PABPC4L: variants seen among roughly 807,000 people sequenced by gnomAD.
PABPC4L encodes poly(A) binding protein cytoplasmic 4 like.
For synonymous variants in PABPC4L, 169 were observed against 164.1 expected (o/e 1.03, Z -0.23); for missense variants, 452 against 451.4 (o/e 1.00, Z -0.01).
the PABPC4L span, among the ~76,000 whole-genome samples, chr4:133,971,927 C>A: frequency 6.6e-6 from 1 of 152,104 alleles, no homozygotes; most frequent in Non-Finnish European, 1.5e-5. Flanking sequence ...AAAATTTGTG[C>A]CCTTCTCATT....
the PABPC4L span, among the ~76,000 whole-genome samples, chr4:133,951,700 A>T: frequency 6.6e-6 from 1 of 152,158 alleles, no homozygotes; most frequent in East Asian, 1.9e-4. Context: ...TGGGGTTGGG[A>T]TGAGGGCTTG....
At chr4:134,031,743 A>C in the PABPC4L span, among the ~76,000 whole-genome samples, 6 of 151,904 alleles carry the variant, frequency 3.9e-5, no homozygotes, top group Non-Finnish European at 1.5e-5. Flanking sequence ...AATAAGAGAG[A>C]TGATATGGGG....
the PABPC4L span, among the ~76,000 whole-genome samples, chr4:134,156,603 T>C: frequency 6.6e-6 from 1 of 151,886 alleles, no homozygotes; most frequent in African/African-American, 2.4e-5. Flanking sequence ...ATTACTGAAA[T>C]ATAGTGTAAA....
chr4:134,162,228 T>A, the PABPC4L span, among the ~76,000 whole-genome samples: 1 of 152,108 alleles, frequency 6.6e-6, no homozygotes, highest in African/African-American at 2.4e-5. Flanking sequence ...AATAAGTCCT[T>A]CCCTAGCAAT....
the PABPC4L span, among the ~76,000 whole-genome samples, chr4:134,020,140 T>C: frequency 5.5e-3 from 837 of 152,190 alleles, 6 homozygotes; most frequent in Non-Finnish European, 8.4e-3. Context: ...TTGGATCTCA[T>C]GCAAGAAAGA....
the PABPC4L span, among the ~76,000 whole-genome samples, chr4:134,018,945 G>A: frequency 2.0e-5 from 3 of 152,038 alleles, no homozygotes; most frequent in African/African-American, 7.2e-5. Flanking sequence ...TAAAATGCTT[G>A]ACTCACTCCT....
the PABPC4L span, among the ~76,000 whole-genome samples, chr4:134,158,007 T>C: frequency 6.6e-6 from 1 of 151,934 alleles, no homozygotes; most frequent in African/African-American, 2.4e-5. Context: ...AATTCTAGAA[T>C]AATGGCTATA....
chr4:134,139,987 T>C, the PABPC4L span, among the ~76,000 whole-genome samples: 8 of 151,912 alleles, frequency 5.3e-5, no homozygotes, highest in Middle Eastern at 3.2e-3. Context: ...TGTATTAATT[T>C]TGTTATTTGG....
At chr4:134,122,927 G>A in the PABPC4L span, among the ~76,000 whole-genome samples, 1 of 151,784 alleles carries the variant, frequency 6.6e-6, no homozygotes, top group African/African-American at 2.4e-5. Context: ...TATTTACTCA[G>A]ATAGTGACTA....
the PABPC4L span, among the ~76,000 whole-genome samples, chr4:134,187,270 A>G: frequency 6.6e-6 from 1 of 152,080 alleles, no homozygotes; most frequent in African/African-American, 2.4e-5. Flanking sequence ...ACTATTCACA[A>G]TAGCAAAGAC....
At chr4:134,003,009 A>C in the PABPC4L span, among the ~76,000 whole-genome samples, 1 of 151,926 alleles carries the variant, frequency 6.6e-6, no homozygotes, top group Non-Finnish European at 1.5e-5. Flanking sequence ...CTAAATCACT[A>C]TTGCACCTGC....
chr4:134,136,927 C>G, the PABPC4L span, among the ~76,000 whole-genome samples: 4 of 151,860 alleles, frequency 2.6e-5, no homozygotes, highest in Admixed American at 2.6e-4. Context: ...GCTAAGTATC[C>G]CTTAGAACGG....
chr4:133,967,987 C>T, the PABPC4L span, among the ~76,000 whole-genome samples: 1 of 152,132 alleles, frequency 6.6e-6, no homozygotes, highest in Non-Finnish European at 1.5e-5. Flanking sequence ...AGACAATAGA[C>T]AGAAAAGAGT....
At chr4:134,090,798 C>G in the PABPC4L span, among the ~76,000 whole-genome samples, 1 of 151,710 alleles carries the variant, frequency 6.6e-6, no homozygotes, top group African/African-American at 2.4e-5. Context: ...GGGTTGCTGC[C>G]TATGAAATGA....
chr4:134,151,217 C>T, the PABPC4L span, among the ~76,000 whole-genome samples: 2 of 152,028 alleles, frequency 1.3e-5, no homozygotes, highest in South Asian at 2.1e-4. Context: ...ATTACACAGG[C>T]ATTTATGTTA....
chr4:134,133,840 A>C, the PABPC4L span, among the ~76,000 whole-genome samples: 1 of 152,044 alleles, frequency 6.6e-6, no homozygotes, highest in Admixed American at 6.6e-5. Flanking sequence ...TTTTTAAATT[A>C]GAATTTCTTT....
At chr4:133,999,162 C>T in the PABPC4L span, among the ~76,000 whole-genome samples, 15 of 152,044 alleles carry the variant, frequency 9.9e-5, no homozygotes, top group Non-Finnish European at 4.4e-5. Context: ...TAAATATCAA[C>T]AGGTTTCCCT....
At chr4:134,181,218 A>T in the PABPC4L span, among the ~76,000 whole-genome samples, 1 of 152,112 alleles carries the variant, frequency 6.6e-6, no homozygotes, top group Admixed American at 6.6e-5. Context: ...GGTTCAACAT[A>T]TGCAAATCAA....
the PABPC4L span, among the ~76,000 whole-genome samples, chr4:134,141,479 A>G: frequency 1.3e-5 from 2 of 149,904 alleles, no homozygotes; most frequent in African/African-American, 2.4e-5. Flanking sequence ...TAAAATACAT[A>G]TAACTATATA....
Sources: gnomAD v4.1 joint callset for allele counts (sites outside exome capture counted in the v4.1 genomes callset) on GRCh38, gnomAD v4.1.1 for gene constraint, MANE v1.5 for transcripts, NCBI Gene and HGNC (gene_info 2026-07-23, HGNC 2026-07-21) for gene names.